Variants in USO1 observed in about 807,000 individuals in gnomAD.
USO1 encodes the protein general vesicular transport factor p115.
USO1 carries 57 observed loss-of-function variants against 124.5 expected under a neutral mutation model. The ratio of observed to expected loss-of-function variants is 0.46; its 90% CI spans 0.37 to 0.57. The LOEUF is 0.57. Ranked by LOEUF, USO1 falls within the 20% of genes least tolerant of loss-of-function variation. The probability of loss-of-function intolerance (pLI) is 0.00; values close to 1 mark genes in which losing one functional copy is unlikely to be tolerated. For synonymous variants in USO1, 369 were observed against 362.8 expected, an observed-to-expected ratio of 1.02 and a Z score of -0.19; for missense variants, 900 against 1,040.6, an observed-to-expected ratio of 0.86 and a Z score of 1.86.
intron 1 of USO1, among the ~76,000 whole-genome samples, chr4:75,736,534 C>T (rs1378343188): frequency 6.6e-6 from 1 of 152,036 alleles, no homozygotes; most frequent in Non-Finnish European, 1.5e-5. Context: ...AACTCCTGAC[C>T]TCATGTGATC....
At chr4:75,756,183 A>AG (rs936178831) in intron 3 of USO1, among the ~76,000 whole-genome samples, 2 of 151,262 alleles carry the variant, frequency 1.3e-5, no homozygotes, top group Admixed American at 6.6e-5. Context: ...AAAAAAAAAA[A>AG]AAGAAGTAGA....
intron 10 of USO1, 57 bp from the exon 11 acceptor site, chr4:75,790,093 A>G (rs1560455607): frequency 6.9e-7 from 1 of 1,458,450 alleles, no homozygotes; most frequent in East Asian, 2.5e-5. Flanking sequence ...TTGAAAACAT[A>G]TTTTCCTTCT....
intron 3 of USO1, among the ~76,000 whole-genome samples, chr4:75,756,322 GAAAA>G: frequency 1.3e-5 from 2 of 151,656 alleles, no homozygotes; most frequent in South Asian, 4.2e-4. Context: ...AGAAGAGCAG[GAAAA>G]AAGAAGCAGA....
intron 4 of USO1, 100 bp from the exon 5 acceptor site, chr4:75,770,339 T>A: frequency 4.3e-6 from 5 of 1,173,874 alleles, no homozygotes; most frequent in Non-Finnish European, 5.7e-6. Context: ...TGTTGAATTG[T>A]TTACCAGGAA....
intron 13 of USO1, among the ~76,000 whole-genome samples, chr4:75,798,518 T>G (rs1722752220): frequency 6.6e-6 from 1 of 152,168 alleles, no homozygotes; most frequent in African/African-American, 2.4e-5. Context: ...ACAGTAAAAA[T>G]AATGCATCAT....
intron 8 of USO1, among the ~76,000 whole-genome samples, chr4:75,782,206 A>G (rs895179583): frequency 6.6e-6 from 1 of 152,230 alleles, no homozygotes; most frequent in Non-Finnish European, 1.5e-5. Flanking sequence ...CAAATGTTTA[A>G]TAGTTAAGTA....
intron 8 of USO1, among the ~76,000 whole-genome samples, chr4:75,777,646 A>G (rs1722108094): frequency 6.6e-6 from 1 of 152,190 alleles, no homozygotes; most frequent in Non-Finnish European, 1.5e-5. Context: ...AGATATCACT[A>G]CATACCTTTT....
intron 4 of USO1, among the ~76,000 whole-genome samples, chr4:75,768,363 C>T (rs1186885188): frequency 2.6e-5 from 4 of 152,202 alleles, no homozygotes; most frequent in Non-Finnish European, 1.5e-5. Flanking sequence ...GTAAGTAGCA[C>T]ACACCTATTG....
intron 1 of USO1, among the ~76,000 whole-genome samples, chr4:75,726,095 A>G (rs770269091): frequency 1.7e-4 from 26 of 152,172 alleles, no homozygotes; most frequent in African/African-American, 4.8e-5. Context: ...CAGCCTGACC[A>G]ACATGGAGAA....
intron 22 of USO1, 120 bp from the exon 23 acceptor site, chr4:75,812,040 C>T (rs1723165141): frequency 7.0e-7 from 1 of 1,426,158 alleles, no homozygotes; most frequent in Non-Finnish European, 9.4e-7. Context: ...TAACCTCCAC[C>T]CCTAAATTCC....
rs775201813 is a variant in USO1, at chr4:75,736,307, C to CTT, written c.66+11449_66+11450dup. On this transcript the variant is annotated intron_variant, in intron 1 of 23. Transcript: ENST00000514213. The stretch of plus-strand genomic sequence containing the variant: ...CTGTTTATTGTGTTCTACAGCTTAC[C>CTT]TTTTTTTTTTTTTTTTTTTTTTTTT... Among the ~76,000 whole-genome samples the CTT allele has an allele frequency of 1.4e-3, 88 of 63,276 alleles. 27 individuals carry two copies. The East Asian group carries it at 0.02, about 15-fold the overall frequency. The allele number at this position is 63,276 out of a possible 152,430, so 41.5% of individuals were successfully genotyped here.
intron 1 of USO1, among the ~76,000 whole-genome samples, chr4:75,747,078 CAT>C (rs1721145786): frequency 6.6e-6 from 1 of 152,024 alleles, no homozygotes. Context: ...TCCTCTATAT[CAT>C]ATAGGGGAGG....
At position 75,770,529 on chromosome 4, in the gene USO1, C is replaced by T. The variant is rs1166611373; in HGVS notation, c.386C>T (p.Ser129Phe). 2 of 1,580,748 alleles carry T rather than the reference C, an allele frequency of 1.3e-6. No homozygotes were observed. The highest frequency in any genetic ancestry group is 2.7e-5 in the African/African-American group (2 of 74,088). The change falls in exon 5 of 24, where the codon TCT (serine) becomes TTT (phenylalanine). Residue 129 changes from serine (S) to phenylalanine (F), a missense_variant. Physicochemically the swap from Ser to Phe is radical, Grantham distance 155. Coordinates refer to ENST00000514213, the MANE Select transcript of USO1 (RefSeq NM_003715.4). Reference sequence around the variant, plus strand: ...CAGGAAAATGTCACTCTTCTGTTATCTTTATTGGAGGTAAATAGGGAACCT... The same window carrying T: ...CAGGAAAATGTCACTCTTCTGTTATTTTTATTGGAGGTAAATAGGGAACCT... ...KQQENVTLLL[S>F]LLEEFDFHVR...
In USO1 at chr4:75,724,764, A is replaced by G; in HGVS notation, c.-56A>G. The G allele has an allele frequency of 6.3e-7, 1 of 1,587,128 alleles. No individual in the cohort carries two copies. Among genetic ancestry groups the G allele is most frequent in the Non-Finnish European group, 8.6e-7 (1 of 1,158,388 alleles). ...GCCCAGGCCCTGCGGAGGGCGGGGGAAGTTGTCTTCTTTTTTTTCCGGAGG... is the reference window on the plus strand; with the variant it reads ...GCCCAGGCCCTGCGGAGGGCGGGGGGAGTTGTCTTCTTTTTTTTCCGGAGG... On this transcript the variant is annotated 5_prime_UTR_variant, in exon 1 of 24. Coordinates refer to ENST00000514213, the MANE Select transcript of USO1 (RefSeq NM_003715.4).
chr4:75,765,408 C>T (rs1678033803), intron 4 of USO1, among the ~76,000 whole-genome samples: 1 of 152,106 alleles, frequency 6.6e-6, no homozygotes, highest in Non-Finnish European at 1.5e-5. Flanking sequence ...CTCATTAGCC[C>T]ACCAGCTCTT....
At chr4:75,753,464 G>A (rs1721345104) in intron 3 of USO1, among the ~76,000 whole-genome samples, 1 of 152,164 alleles carries the variant, frequency 6.6e-6, no homozygotes, top group African/African-American at 2.4e-5. Context: ...GAACCCAGGA[G>A]ATGGAGATTA....
intron 21 of USO1, 25 bp downstream of exon 21, chr4:75,809,076 G>T (rs964230104): frequency 6.5e-7 from 1 of 1,545,850 alleles, no homozygotes; most frequent in South Asian, 1.2e-5. Context: ...TTTTTTCTCT[G>T]GAAGGTAATA....
chr4:75,799,136 C>T lies in USO1; in HGVS notation c.1453-486C>T, dbSNP rs565839069. On this transcript the variant is annotated intron_variant, in intron 13 of 23. Coordinates refer to ENST00000514213, the MANE Select transcript of USO1 (RefSeq NM_003715.4). Reference sequence around the variant, plus strand: ...GAATATATTCTCTCATGGAATTTGACTAAATGATTCAGGGGATTATTTTTT... The same window carrying T: ...GAATATATTCTCTCATGGAATTTGATTAAATGATTCAGGGGATTATTTTTT... Among the ~76,000 whole-genome samples the T allele has an allele frequency of 4.6e-5, 7 of 151,684 alleles. No individual in the cohort carries two copies. The South Asian group carries it at 1.5e-3, about 32-fold the overall frequency.
intron 8 of USO1, 87 bp from the exon 9 acceptor site, chr4:75,782,593 A>G (rs1722249559): frequency 1.4e-6 from 2 of 1,452,948 alleles, no homozygotes; most frequent in Admixed American, 5.6e-5. Context: ...GATGCTGAGC[A>G]TGGAGATTTA....
Sources: gnomAD v4.1 joint callset for allele counts (sites outside exome capture counted in the v4.1 genomes callset) on GRCh38, gnomAD v4.1.1 for gene constraint, MANE v1.5 for transcripts, NCBI Gene and HGNC (gene_info 2026-07-23, HGNC 2026-07-21) for gene names.